TTC23: variants seen among roughly 807,000 people sequenced by gnomAD.
The protein encoded by TTC23 is tetratricopeptide repeat domain 23.
Under a neutral mutation model 55.1 loss-of-function variants are expected in TTC23, and 58 were observed. The observed-to-expected ratio is 1.05, with a 90% CI of 0.85 to 1.31. The LOEUF (loss-of-function observed/expected upper bound fraction) is 1.31, where lower values mean the gene tolerates loss of function less well. TTC23 is among the 50% of genes most tolerant of loss of function. The pLI is 0.00. For synonymous variants in TTC23, 203 were observed against 199.9 expected, an observed-to-expected ratio of 1.02 and a Z score of -0.13; for missense variants, 516 against 534.4, an observed-to-expected ratio of 0.97 and a Z score of 0.34.
At chr15:99,168,999 C>T (rs1337691940) in intron 10 of TTC23, among the ~76,000 whole-genome samples, 3 of 152,126 alleles carry the variant, frequency 2.0e-5, no homozygotes, top group African/African-American at 7.2e-5. Context: ...GATGTGACTA[C>T]TCTAGGGTGA....
chr15:99,191,492 G>A (rs561682133), intron 9 of TTC23, among the ~76,000 whole-genome samples: 3 of 152,180 alleles, frequency 2.0e-5, no homozygotes, highest in Non-Finnish European at 2.9e-5. Context: ...TGCTGTTCTC[G>A]TAATAGTGAA....
chr15:99,226,762 C>T (rs757510456), intron 5 of TTC23, among the ~76,000 whole-genome samples: 2 of 152,166 alleles, frequency 1.3e-5, no homozygotes, highest in Non-Finnish European at 2.9e-5. Flanking sequence ...TTCCTCAGGT[C>T]TCAGCTTATC....
intron 8 of TTC23, among the ~76,000 whole-genome samples, chr15:99,210,385 T>G (rs2076951420): frequency 3.9e-5 from 6 of 152,146 alleles, no homozygotes; most frequent in Admixed American, 3.9e-4. Context: ...AAAATGAGAC[T>G]TGTGTAAGTT....
At chr15:99,208,876 C>G (rs1468335792) in intron 8 of TTC23, among the ~76,000 whole-genome samples, 1 of 152,098 alleles carries the variant, frequency 6.6e-6, no homozygotes, top group African/African-American at 2.4e-5. Context: ...TGTTTGAGAG[C>G]AATATTTTCT....
intron 13 of TTC23, among the ~76,000 whole-genome samples, chr15:99,138,421 C>T: frequency 6.6e-6 from 1 of 152,166 alleles, no homozygotes; most frequent in Non-Finnish European, 1.5e-5. Flanking sequence ...TCAAGCAACT[C>T]TCATGCCTCA....
At chr15:99,200,788 T>C (rs1319254804) in intron 8 of TTC23, among the ~76,000 whole-genome samples, 1 of 152,196 alleles carries the variant, frequency 6.6e-6, no homozygotes, top group Non-Finnish European at 1.5e-5. Flanking sequence ...TACCTTAGCA[T>C]TCTCTATAAT....
At chr15:99,156,435 A>C in intron 11 of TTC23, 138 bp from the exon 12 acceptor site, 3 of 1,008,608 alleles carry the variant, frequency 3.0e-6, no homozygotes, top group Non-Finnish European at 4.3e-6. Context: ...GTCCATTCTC[A>C]TGCTGCTATG....
intron 3 of TTC23, among the ~76,000 whole-genome samples, chr15:99,235,357 A>ATTTTTTTTTTTTTTTTTTTTT (rs58184291): frequency 7.5e-6 from 1 of 133,702 alleles, no homozygotes; most frequent in Non-Finnish European, 1.6e-5. Context: ...CATTTTAAGC[A>ATTTTTTTTTTTTTTTTTTTTT]TTTTTTTTTT....
chr15:99,244,835 TAAA>T (rs911496430), intron 2 of TTC23, among the ~76,000 whole-genome samples: 1 of 152,134 alleles, frequency 6.6e-6, no homozygotes, highest in Non-Finnish European at 1.5e-5. Context: ...AAAACAATCT[TAAA>T]AAAGAAGTTG....
chr15:99,224,173 A>G (rs1443096024), intron 5 of TTC23, among the ~76,000 whole-genome samples: 2 of 152,216 alleles, frequency 1.3e-5, no homozygotes, highest in African/African-American at 4.8e-5. Context: ...TGCTCACCAT[A>G]AAGTGCTGAA....
At position 99,139,394 on chromosome 15, in the gene TTC23, G is replaced by C; in HGVS notation, c.1149C>G (p.Leu383=). 1 of 1,614,146 alleles carries C rather than the reference G, an allele frequency of 6.2e-7. No individual in the cohort carries two copies. Among genetic ancestry groups the C allele is most frequent in the South Asian group, 1.1e-5 (1 of 91,074 alleles). Residue 383 remains leucine (L), a synonymous_variant, in exon 13 of 14, where the codon CTC becomes CTG. Transcript: ENST00000394132. ...SGARKKLKKC[L]QIQTLLYGPQ... ...GTCCATATAAGAGGGTCTGGATCTG[G>C]AGACACTGTAGAACACCAAGCAGCT...
chr15:99,205,219 A>T (rs955794737), intron 8 of TTC23, among the ~76,000 whole-genome samples: 2 of 152,196 alleles, frequency 1.3e-5, no homozygotes, highest in African/African-American at 2.4e-5. Flanking sequence ...TATAGTATGA[A>T]GTCAGGTAAT....
At chr15:99,250,894 A>G (rs903023880), upstream of TTC23, among the ~76,000 whole-genome samples, 2 of 152,214 alleles carry the variant, frequency 1.3e-5, no homozygotes, top group Non-Finnish European at 2.9e-5. Context: ...TTGCTAAATA[A>G]CGTTGGCTTC....
chr15:99,150,029 G>A (rs1450777970), intron 12 of TTC23, among the ~76,000 whole-genome samples: 2 of 152,200 alleles, frequency 1.3e-5, no homozygotes, highest in African/African-American at 4.8e-5. Flanking sequence ...TTCTTCATGG[G>A]ATAAGTGAGG....
At position 99,137,833 on chromosome 15, in the gene TTC23, T is replaced by G. The variant is rs556181420; in HGVS notation, c.*177A>C. 2.1e-6 allele frequency: 2 copies of G among 968,500 alleles called. No individual in the cohort carries two copies. Among genetic ancestry groups the G allele is most frequent in the South Asian group, 3.6e-5 (2 of 56,036 alleles). 60.0% of individuals were successfully genotyped at this position (968,500 alleles called of 1,614,324 possible). A position where few individuals can be genotyped will look rare whatever the true frequency, so the allele number is the denominator to read the frequency against. Reference sequence around the variant, plus strand: ...ATATATCACCCTGAAGGGCATCCACTGTCAAAATGTGGCCCACGGGAGGCT... The same window carrying G: ...ATATATCACCCTGAAGGGCATCCACGGTCAAAATGTGGCCCACGGGAGGCT... On this transcript the variant is annotated 3_prime_UTR_variant, in exon 14 of 14. Transcript: ENST00000394132.
chr15:99,226,427 TA>T (rs963265474), intron 5 of TTC23, among the ~76,000 whole-genome samples: 65 of 152,208 alleles, frequency 4.3e-4, no homozygotes, highest in African/African-American at 1.5e-3. Context: ...AAGCAAATGT[TA>T]AAAATGAGTG....
At chr15:99,248,097 GC>G (rs2080421410) in intron 1 of TTC23, 1 of 152,158 alleles carries the variant, frequency 6.6e-6, no homozygotes, top group Admixed American at 6.5e-5. Flanking sequence ...TAAACTCAAT[GC>G]TTTCGAAGAC....
chr15:99,161,603 C>T (rs1011439157), intron 11 of TTC23, 137 bp downstream of exon 11: 6 of 956,072 alleles, frequency 6.3e-6, no homozygotes, highest in Non-Finnish European at 8.9e-6. Context: ...GAGCCCTAGC[C>T]TTATTTATGT....
chr15:99,229,063 T>A (rs542638408), intron 4 of TTC23, among the ~76,000 whole-genome samples: 1 of 150,698 alleles, frequency 6.6e-6, no homozygotes, highest in South Asian at 2.1e-4. Flanking sequence ...GCCTAGCACA[T>A]ACATATGTAT....
Sources: allele counts gnomAD v4.1 joint callset (sites outside exome capture counted in the v4.1 genomes callset), GRCh38; gene constraint gnomAD v4.1.1; transcripts MANE v1.5; gene names NCBI Gene and HGNC (gene_info 2026-07-23, HGNC 2026-07-21).